The following ZPBP variants were observed in gnomAD, a reference collection of about 807,000 sequenced individuals.
ZPBP encodes the protein zona pellucida binding protein, also known as zona pellucida-binding protein 1.
Under a neutral mutation model 44.8 loss-of-function variants are expected in ZPBP, and 26 were observed. The observed-to-expected ratio is 0.58, with a 90% CI of 0.43 to 0.81. The LOEUF (loss-of-function observed/expected upper bound fraction) is 0.81, where lower values mean the gene tolerates loss of function less well. ZPBP is among the 30% of genes least tolerant of loss of function. ZPBP has a pLI of 0.00. For missense variants in ZPBP, 409 were observed against 434.0 expected (o/e 0.94, Z 0.51); for synonymous variants, 174 against 153.2 (o/e 1.14, Z -1.00).
chr7:49,992,625 T>C (rs7805001), intron 6 of ZPBP, among the ~76,000 whole-genome samples: 77,083 of 151,888 alleles, frequency 0.51, 20,405 homozygotes, highest in East Asian at 0.69. Flanking sequence ...ATCCAAATTA[T>C]AGTGAATAGA....
chr7:50,089,553 C>A, intron 2 of ZPBP, 76 bp downstream of exon 2: 1 of 1,092,156 alleles, frequency 9.2e-7, no homozygotes, highest in Non-Finnish European at 1.4e-6. Context: ...AGAGCATTAG[C>A]CTTTTGGAGA....
At chr7:49,881,411 G>T (rs1394578250) in intron 2 of ZPBP, among the ~76,000 whole-genome samples, 1 of 152,172 alleles carries the variant, frequency 6.6e-6, no homozygotes, top group African/African-American at 2.4e-5. Context: ...TGGAATGAAT[G>T]ATTTAATAGA....
At chr7:50,039,413 G>A (rs1799966823) in intron 4 of ZPBP, among the ~76,000 whole-genome samples, 2 of 152,018 alleles carry the variant, frequency 1.3e-5, no homozygotes, top group Admixed American at 1.3e-4. Context: ...CCAGTAATCT[G>A]AATCTACATG....
intron 7 of ZPBP, among the ~76,000 whole-genome samples, chr7:49,945,962 T>C (rs1292216675): frequency 2.0e-5 from 3 of 152,148 alleles, no homozygotes; most frequent in Admixed American, 1.3e-4. Flanking sequence ...TCTGGTGGTA[T>C]ATGTACATAT....
the ZPBP span, among the ~76,000 whole-genome samples, chr7:49,844,516 T>A: frequency 6.6e-6 from 1 of 152,150 alleles, no homozygotes; most frequent in Non-Finnish European, 1.5e-5. Flanking sequence ...TATCCATTGC[T>A]GAATATAAAT....
chr7:49,975,877 AT>A (rs1796490539), intron 7 of ZPBP, among the ~76,000 whole-genome samples: 1 of 152,122 alleles, frequency 6.6e-6, no homozygotes. Flanking sequence ...TCAGTGAAAT[AT>A]TTTTTGTTCC....
chr7:50,092,352 C>T (rs946405134), intron 1 of ZPBP, among the ~76,000 whole-genome samples: 28 of 152,140 alleles, frequency 1.8e-4, no homozygotes, highest in Non-Finnish European at 1.2e-4. Flanking sequence ...TATCCCCTAC[C>T]TACCTCCACA....
chr7:50,082,700 T>A (rs1208815351), intron 2 of ZPBP, among the ~76,000 whole-genome samples: 1 of 152,040 alleles, frequency 6.6e-6, no homozygotes, highest in Non-Finnish European at 1.5e-5. Context: ...GTTTATTGAA[T>A]GTACTTTTAG....
At chr7:49,872,544 C>CA (rs1386703578) in intron 2 of ZPBP, among the ~76,000 whole-genome samples, 2 of 151,258 alleles carry the variant, frequency 1.3e-5, no homozygotes, top group Non-Finnish European at 2.9e-5. Context: ...TTAAGATACA[C>CA]AAAAAAATAC....
At chr7:49,863,370 G>A (rs1463734840) in intron 2 of ZPBP, among the ~76,000 whole-genome samples, 5 of 152,098 alleles carry the variant, frequency 3.3e-5, no homozygotes, top group Admixed American at 3.3e-4. Context: ...CTAAAGATTT[G>A]TCAGTTTTGT....
At chr7:50,026,499 TC>T (rs1254812308) in intron 5 of ZPBP, among the ~76,000 whole-genome samples, 1 of 151,802 alleles carries the variant, frequency 6.6e-6, no homozygotes, top group African/African-American at 2.4e-5. Flanking sequence ...CATGAAACAT[TC>T]CTCCAGGAAG....
chr7:49,966,170 T>C (rs931991227), intron 7 of ZPBP, among the ~76,000 whole-genome samples: 1 of 152,126 alleles, frequency 6.6e-6, no homozygotes, highest in Non-Finnish European at 1.5e-5. Context: ...TCCATAATTT[T>C]AGTCAGAAAC....
intron 6 of ZPBP, among the ~76,000 whole-genome samples, chr7:49,996,725 T>C (rs1797866529): frequency 6.6e-6 from 1 of 152,208 alleles, no homozygotes; most frequent in Non-Finnish European, 1.5e-5. Flanking sequence ...TCATTTGACC[T>C]GGAACTTTTC....
At chr7:49,924,130 A>G (rs1794136895) in intron 1 of ZPBP, among the ~76,000 whole-genome samples, 1 of 148,598 alleles carries the variant, frequency 6.7e-6, no homozygotes, top group Non-Finnish European at 1.5e-5. Flanking sequence ...CTCAAATAAT[A>G]ATAATAAATA....
chr7:50,000,247 G>A lies in ZPBP; in HGVS notation c.784-16728C>T, dbSNP rs28395192. On this transcript the variant is annotated intron_variant, in intron 6 of 7. Transcript: ENST00000046087. ...TAATTGCAAAGCTGTCAATAAATAA[G>A]AATCAAATATGTTTTGTGATGATTT... 4.6e-3 allele frequency among the ~76,000 whole-genome samples: 699 copies of A among 152,174 alleles called. 4 individuals carry two copies. The highest frequency in any genetic ancestry group is 0.016 in the African/African-American group (662 of 41,534).
chr7:49,981,525 T>G (rs1796934302), intron 7 of ZPBP, among the ~76,000 whole-genome samples: 1 of 35,244 alleles, frequency 2.8e-5, no homozygotes, highest in African/African-American at 2.0e-4. Context: ...TATTATATAA[T>G]ATATATTATA....
In ZPBP at chr7:50,089,710, C is replaced by T; in HGVS notation, c.128-1G>A. 1 of 1,606,876 alleles carries T rather than the reference C, an allele frequency of 6.2e-7. No homozygotes were observed. Among genetic ancestry groups the T allele is most frequent in the Non-Finnish European group, 8.5e-7 (1 of 1,175,536 alleles). ...CTTGGTAATCGAACCAAGTGTCCAACTATCAAAAAAAAAGATCAACAATTT... is the reference window on the plus strand; with the variant it reads ...CTTGGTAATCGAACCAAGTGTCCAATTATCAAAAAAAAAGATCAACAATTT... On this transcript the variant is annotated splice_acceptor_variant, in intron 1 of 7. Coordinates refer to ENST00000046087, the MANE Select transcript of ZPBP (RefSeq NM_007009.3). LOFTEE classifies it high-confidence loss of function.
chr7:49,893,980 G>A (rs1015544210), intron 2 of ZPBP, among the ~76,000 whole-genome samples: 5 of 152,182 alleles, frequency 3.3e-5, no homozygotes, highest in Non-Finnish European at 1.5e-5. Context: ...CTCACTGCTT[G>A]GAGTTCTGCT....
chr7:49,972,145 T>C lies in ZPBP; in HGVS notation c.961+11197A>G, dbSNP rs561124366. Reference sequence around the variant, plus strand: ...AATTCACAGCTAACATCACATTCAATTATGAAATGATGAAAGCATTTCCCC... The same window carrying C: ...AATTCACAGCTAACATCACATTCAACTATGAAATGATGAAAGCATTTCCCC... On this transcript the variant is annotated intron_variant, in intron 7 of 7. Coordinates refer to ENST00000046087, the MANE Select transcript of ZPBP (RefSeq NM_007009.3). Among the ~76,000 whole-genome samples the C allele has an allele frequency of 2.6e-5, 4 of 151,814 alleles. No homozygotes were observed. The South Asian group carries it at 8.3e-4, about 32-fold the overall frequency.
Sources: allele counts gnomAD v4.1 joint callset (sites outside exome capture counted in the v4.1 genomes callset), GRCh38; gene constraint gnomAD v4.1.1; transcripts MANE v1.5; gene names NCBI Gene and HGNC (gene_info 2026-07-23, HGNC 2026-07-21).